Variants in TMEM108 observed in about 807,000 individuals in gnomAD.
TMEM108 encodes transmembrane protein 108, also known as cancer/testis antigen 124.
TMEM108 carries 12 observed loss-of-function variants against 35.1 expected under a neutral mutation model. That is an observed-to-expected ratio of 0.34 (90% CI 0.22 to 0.55). The LOEUF (loss-of-function observed/expected upper bound fraction) is 0.55. Ranked by LOEUF, TMEM108 falls within the 20% of genes least tolerant of loss-of-function variation. The pLI is 0.89. For missense variants in TMEM108, 680 were observed against 753.3 expected (o/e 0.90, Z 1.14); for synonymous variants, 287 against 308.6 (o/e 0.93, Z 0.73).
intron 5 of TMEM108, among the ~76,000 whole-genome samples, chr3:133,393,625 T>G (rs1451072425): frequency 6.6e-6 from 1 of 152,240 alleles, no homozygotes; most frequent in South Asian, 2.1e-4. Context: ...TAGTGTGGCC[T>G]GTACACATTT....
chr3:133,116,605 C>T (rs1274396221), intron 2 of TMEM108, among the ~76,000 whole-genome samples: 1 of 152,110 alleles, frequency 6.6e-6, no homozygotes, highest in African/African-American at 2.4e-5. Flanking sequence ...CGAAGACACT[C>T]TCCCCTCAAG....
intron 3 of TMEM108, among the ~76,000 whole-genome samples, chr3:133,288,264 C>T (rs1176172718): frequency 6.6e-6 from 1 of 152,176 alleles, no homozygotes; most frequent in Non-Finnish European, 1.5e-5. Flanking sequence ...AACAGATAAG[C>T]AGCATTCTGA....
In TMEM108 at chr3:133,342,544, G is replaced by GTATATA. The variant is rs1553764021; in HGVS notation, c.41-37201_41-37196dup. Among the ~76,000 whole-genome samples, 20 of 46,492 alleles carry GTATATA rather than the reference G, an allele frequency of 4.3e-4. 5 individuals carry two copies. The highest frequency in any genetic ancestry group is 1.6e-3 in the African/African-American group (17 of 10,932). The allele number at this position is 46,492 out of a possible 152,430, so 30.5% of individuals were successfully genotyped here. A position where few individuals can be genotyped will look rare whatever the true frequency, so the allele number is the denominator to read the frequency against. On this transcript the variant is annotated intron_variant, in intron 3 of 5. Coordinates refer to ENST00000321871, the MANE Select transcript of TMEM108 (RefSeq NM_023943.4). ...TAAAAAAGTTAAAAAAGAAAATGTG[G>GTATATA]TATATATATATACACACACACACAC...
intron 2 of TMEM108, among the ~76,000 whole-genome samples, chr3:133,176,517 TC>T (rs1174848233): frequency 6.6e-6 from 1 of 151,996 alleles, no homozygotes; most frequent in Non-Finnish European, 1.5e-5. Context: ...AGAAACTCAG[TC>T]AAAACTACTC....
intron 2 of TMEM108, among the ~76,000 whole-genome samples, chr3:133,134,784 C>A (rs1278597161): frequency 6.6e-6 from 1 of 152,080 alleles, no homozygotes; most frequent in Non-Finnish European, 1.5e-5. Flanking sequence ...ATCCCAACCT[C>A]CCCGCTTCTG....
intron 2 of TMEM108, among the ~76,000 whole-genome samples, chr3:133,067,642 A>G (rs781168882): frequency 2.6e-5 from 4 of 152,230 alleles, no homozygotes; most frequent in Non-Finnish European, 4.4e-5. Context: ...TGGACCTGGT[A>G]TATGTTAAGG....
chr3:133,135,620 G>A (rs1231980842), intron 2 of TMEM108, among the ~76,000 whole-genome samples: 2 of 152,170 alleles, frequency 1.3e-5, no homozygotes, highest in South Asian at 2.1e-4. Context: ...TTATTTAGAG[G>A]TAAACTGTGT....
chr3:133,254,547 A>G (rs368262962), intron 3 of TMEM108, among the ~76,000 whole-genome samples: 6 of 152,318 alleles, frequency 3.9e-5, no homozygotes, highest in African/African-American at 1.4e-4. Flanking sequence ...CGAATATGTG[A>G]TCTCAGTAAA....
At chr3:133,038,491 C>G (rs1576285721) in intron 1 of TMEM108, 56 bp downstream of exon 1, 1 of 152,330 alleles carries the variant, frequency 6.6e-6, no homozygotes. Flanking sequence ...TCCCGGCAAG[C>G]GGGTTAGGCT....
chr3:133,178,941 A>G (rs1157310748), intron 2 of TMEM108, among the ~76,000 whole-genome samples: 4 of 152,174 alleles, frequency 2.6e-5, no homozygotes, highest in South Asian at 4.1e-4. Flanking sequence ...AGAATCTACA[A>G]AGAACTCAAA....
intron 4 of TMEM108, 31 bp from the exon 5 acceptor site, chr3:133,390,149 C>T (rs1463293354): frequency 6.2e-7 from 1 of 1,613,258 alleles, no homozygotes; most frequent in South Asian, 1.1e-5. Flanking sequence ...TGCTGCCTCC[C>T]TCTCCTCTCT....
At chr3:133,132,441 G>A (rs887422306) in intron 2 of TMEM108, among the ~76,000 whole-genome samples, 5 of 152,130 alleles carry the variant, frequency 3.3e-5, no homozygotes, top group Admixed American at 1.3e-4. Flanking sequence ...CTTTATAAAC[G>A]GAACAACATA....
intron 2 of TMEM108, among the ~76,000 whole-genome samples, chr3:133,117,419 C>G (rs2107730554): frequency 6.6e-6 from 1 of 152,292 alleles, no homozygotes. Context: ...TTCCTTTCTG[C>G]CAGAACTGCC....
chr3:133,349,881 T>C (rs1370053173), intron 3 of TMEM108, among the ~76,000 whole-genome samples: 1 of 152,102 alleles, frequency 6.6e-6, no homozygotes, highest in Admixed American at 6.6e-5. Flanking sequence ...TGGAAGTTCC[T>C]CAAAAAATTA....
intron 3 of TMEM108, among the ~76,000 whole-genome samples, chr3:133,300,685 C>T (rs1484289700): frequency 6.6e-6 from 1 of 151,996 alleles, no homozygotes; most frequent in Non-Finnish European, 1.5e-5. Flanking sequence ...TTTTAGTGGG[C>T]TCTGGGCTAT....
chr3:133,331,264 T>G (rs2071390001), intron 3 of TMEM108, among the ~76,000 whole-genome samples: 1 of 152,180 alleles, frequency 6.6e-6, no homozygotes. Context: ...GGTGGTTGAT[T>G]GGTTTGGAGA....
chr3:133,113,271 C>T (rs1944247776), intron 2 of TMEM108, among the ~76,000 whole-genome samples: 2 of 152,164 alleles, frequency 1.3e-5, no homozygotes, highest in South Asian at 2.1e-4. Flanking sequence ...TTTCTGCAGT[C>T]ACCTAGTATT....
At chr3:133,288,798 G>C (rs1947021517) in intron 3 of TMEM108, among the ~76,000 whole-genome samples, 1 of 152,098 alleles carries the variant, frequency 6.6e-6, no homozygotes, top group Non-Finnish European at 1.5e-5. Context: ...GGAGTGCAGT[G>C]GTGCAATCTC....
intron 2 of TMEM108, among the ~76,000 whole-genome samples, chr3:133,055,435 G>A (rs1041930658): frequency 1.3e-5 from 2 of 152,126 alleles, no homozygotes; most frequent in African/African-American, 4.8e-5. Flanking sequence ...CTCTCTCCAG[G>A]GTATAGAGAG....
Sources: allele counts gnomAD v4.1 joint callset (sites outside exome capture counted in the v4.1 genomes callset), GRCh38; gene constraint gnomAD v4.1.1; transcripts MANE v1.5; gene names NCBI Gene and HGNC (gene_info 2026-07-23, HGNC 2026-07-21).